KSR1: variants seen among roughly 807,000 people sequenced by gnomAD.
KSR1 encodes the protein kinase suppressor of ras 1, also known as kinase suppressor of ras.
Under a neutral mutation model 92.9 loss-of-function variants are expected in KSR1, and 35 were observed. The ratio of observed to expected loss-of-function variants is 0.38; its 90% CI spans 0.29 to 0.50. The LOEUF (loss-of-function observed/expected upper bound fraction) is 0.50. Among genes scored for constraint, KSR1 ranks in the 20% least tolerant of loss-of-function variants. The probability of loss-of-function intolerance (pLI) is 0.94; values close to 1 mark genes in which losing one functional copy is unlikely to be tolerated. For missense variants in KSR1, 972 were observed against 1,158.5 expected, an observed-to-expected ratio of 0.84 and a Z score of 2.34; for synonymous variants, 467 against 472.6, an observed-to-expected ratio of 0.99 and a Z score of 0.15.
Position 27,456,691 on chromosome 17 carries a change from GGGCGGTGGCGGGGGGGATGC to G in KSR1, c.54_73del (p.Gly19ArgfsTer61). 1 of 746,344 alleles carries G rather than the reference GGGCGGTGGCGGGGGGGATGC, an allele frequency of 1.3e-6. No homozygotes were observed. Among genetic ancestry groups the G allele is most frequent in the Non-Finnish European group, 2.3e-6 (1 of 439,424 alleles). 46.2% of individuals were successfully genotyped at this position (746,344 alleles called of 1,614,324 possible). On this transcript the variant is annotated frameshift_variant, in exon 1 of 21. Coordinates refer to ENST00000644974, the MANE Select transcript of KSR1 (RefSeq NM_001394583.1). LOFTEE classifies it high-confidence loss of function. ...CGGCGGCGATGGGAGAGAAGAAGGA[GGGCGGTGGCGGGGGGGATGC>G]GGCGGCCGCGGAGGGAGGCGCAGGG...
chr17:27,528,202 G>A (rs534435355), intron 1 of KSR1, among the ~76,000 whole-genome samples: 1 of 152,246 alleles, frequency 6.6e-6, no homozygotes, highest in South Asian at 2.1e-4. Flanking sequence ...GAGTAGCTGG[G>A]ATTACAGGTG....
rs2074303877 is a variant in KSR1, at chr17:27,624,788, G to GT, written c.*1397dup. On this transcript the variant is annotated 3_prime_UTR_variant, in exon 21 of 21. Coordinates refer to ENST00000644974, the MANE Select transcript of KSR1 (RefSeq NM_001394583.1). ...AGCTCAGACTTGGGGAGGGAGGGGT[G>GT]TGGCTCCCACCCCTTCCAGTTAAGA... 6.6e-6 allele frequency: 1 copy of GT among 152,174 alleles called. No homozygotes were observed. 9.4% of individuals were successfully genotyped at this position (152,174 alleles called of 1,614,324 possible).
intron 1 of KSR1, among the ~76,000 whole-genome samples, chr17:27,508,347 A>G (rs112252565): frequency 8.6e-4 from 131 of 152,288 alleles, no homozygotes; most frequent in African/African-American, 3.0e-3. Flanking sequence ...GCCAAGCCCT[A>G]TGCTGGGAAC....
At chr17:27,607,870 G>A (rs1047313608) in intron 14 of KSR1, 44 bp from the exon 15 acceptor site, 48 of 1,457,194 alleles carry the variant, frequency 3.3e-5, no homozygotes, top group Admixed American at 3.1e-4. Flanking sequence ...GGGTCAGGCC[G>A]CACCAGCCCC....
intron 9 of KSR1, among the ~76,000 whole-genome samples, chr17:27,594,551 C>T (rs758889203): frequency 2.6e-5 from 4 of 152,130 alleles, no homozygotes; most frequent in Non-Finnish European, 4.4e-5. Flanking sequence ...TGCACCTGCT[C>T]GACCTCTAAG....
intron 1 of KSR1, among the ~76,000 whole-genome samples, chr17:27,481,021 TTA>T (rs1471042080): frequency 6.6e-6 from 1 of 152,234 alleles, no homozygotes; most frequent in African/African-American, 2.4e-5. Flanking sequence ...TGGAAACAGC[TTA>T]TTGTGTCTTT....
At chr17:27,549,382 C>T (rs918668442) in intron 1 of KSR1, among the ~76,000 whole-genome samples, 2 of 152,160 alleles carry the variant, frequency 1.3e-5, no homozygotes, top group African/African-American at 2.4e-5. Flanking sequence ...TTCCATCTGT[C>T]GAGCCTAACT....
chr17:27,515,067 G>A (rs1325533665), intron 1 of KSR1, among the ~76,000 whole-genome samples: 1 of 152,198 alleles, frequency 6.6e-6, no homozygotes, highest in Non-Finnish European at 1.5e-5. Flanking sequence ...GGAAGGAAAA[G>A]GAGGATGGAC....
At chr17:27,539,055 A>C (rs1039211095) in intron 1 of KSR1, among the ~76,000 whole-genome samples, 1 of 152,116 alleles carries the variant, frequency 6.6e-6, no homozygotes, top group South Asian at 2.1e-4. Flanking sequence ...GGCCTTAAGG[A>C]TAGGTAAGGG....
At chr17:27,611,653 G>GAGC in intron 18 of KSR1, 24 bp downstream of exon 18, 1 of 1,613,306 alleles carries the variant, frequency 6.2e-7, no homozygotes, top group Non-Finnish European at 8.5e-7. Context: ...GCCCTGGGTG[G>GAGC]AGCAGTAGGG....
Position 27,459,684 on chromosome 17 carries a change from T to C in KSR1, c.231+2810T>C, listed in dbSNP as rs970822165. On this transcript the variant is annotated intron_variant, in intron 1 of 20. Transcript: ENST00000644974. This position sits in a 1 kb window ranked among gnomAD's most constrained non-coding sequence, Gnocchi z 4.6. ...GGCCTGTGCAACTGCATCGGACTTATCTAGAATCTGAGGAGCCCCAGCTCA... is the reference window on the plus strand; with the variant it reads ...GGCCTGTGCAACTGCATCGGACTTACCTAGAATCTGAGGAGCCCCAGCTCA... Among the ~76,000 whole-genome samples the C allele has an allele frequency of 1.3e-5, 2 of 152,232 alleles. No individual in the cohort carries two copies. The highest frequency in any genetic ancestry group is 4.8e-5 in the African/African-American group (2 of 41,448).
intron 1 of KSR1, among the ~76,000 whole-genome samples, chr17:27,509,383 C>T (rs906838643): frequency 3.3e-5 from 5 of 152,042 alleles, no homozygotes; most frequent in East Asian, 1.9e-4. Flanking sequence ...CTCTGCCTCC[C>T]GGGTTCACGC....
At chr17:27,582,140 A>G (rs2072784320) in intron 3 of KSR1, among the ~76,000 whole-genome samples, 2 of 152,098 alleles carry the variant, frequency 1.3e-5, no homozygotes, top group African/African-American at 2.4e-5. Context: ...CCTGCCCATA[A>G]GAGCCCTGCA....
At chr17:27,609,467 C>G in intron 16 of KSR1, 138 bp downstream of exon 16, 2 of 1,109,342 alleles carry the variant, frequency 1.8e-6, no homozygotes, top group Non-Finnish European at 2.6e-6. Context: ...TGGTCCTGCC[C>G]TCGTAGTTCT....
intron 1 of KSR1, among the ~76,000 whole-genome samples, chr17:27,468,338 C>G (rs1466394331): frequency 6.6e-6 from 1 of 151,782 alleles, no homozygotes; most frequent in African/African-American, 2.4e-5. Flanking sequence ...CGGGCTCAAA[C>G]AATTCTCCTG....
chr17:27,582,595 G>A (rs1598078087), intron 3 of KSR1, 51 bp from the exon 4 acceptor site: 2 of 1,528,448 alleles, frequency 1.3e-6, no homozygotes, highest in East Asian at 2.3e-5. Context: ...CATCTCCCCT[G>A]TGAATTCCTT....
intron 1 of KSR1, among the ~76,000 whole-genome samples, chr17:27,470,932 A>G (rs1425847376): frequency 3.3e-5 from 5 of 151,462 alleles, no homozygotes; most frequent in Admixed American, 3.3e-4. Flanking sequence ...GTGCAGTGGC[A>G]CAATCTTGGG....
chr17:27,582,586 A>G (rs2072805608), intron 3 of KSR1, 60 bp from the exon 4 acceptor site: 2 of 1,481,372 alleles, frequency 1.4e-6, no homozygotes, highest in Non-Finnish European at 1.8e-6. Context: ...GCCCCTAGCC[A>G]TCTCCCCTGT....
At chr17:27,604,093 G>A (rs778015616) in intron 12 of KSR1, among the ~76,000 whole-genome samples, 3 of 152,238 alleles carry the variant, frequency 2.0e-5, no homozygotes, top group Non-Finnish European at 4.4e-5. Context: ...GGGTGGGGCC[G>A]CATGTGAAAC....
Sources: allele counts gnomAD v4.1 joint callset (sites outside exome capture counted in the v4.1 genomes callset), GRCh38; gene constraint gnomAD v4.1.1; non-coding constraint Gnocchi (gnomAD v3.1); transcripts MANE v1.5; gene names NCBI Gene and HGNC (gene_info 2026-07-23, HGNC 2026-07-21).